FER: variants seen among roughly 807,000 people sequenced by gnomAD.
FER encodes the protein FER tyrosine kinase.
A neutral mutation model predicts 111.0 loss-of-function variants in FER; 63 were observed. That is an observed-to-expected ratio of 0.57 (90% CI 0.46 to 0.70). FER has a LOEUF of 0.70. Among genes scored for constraint, FER ranks in the 30% least tolerant of loss-of-function variants. The pLI is 0.00. For missense variants in FER, 914 were observed against 954.0 expected (o/e 0.96, Z 0.55); for synonymous variants, 327 against 313.9 (o/e 1.04, Z -0.44).
intron 2 of FER, among the ~76,000 whole-genome samples, chr5:108,782,990 T>C (rs1411964602): frequency 1.3e-5 from 2 of 152,254 alleles, no homozygotes; most frequent in Non-Finnish European, 2.9e-5. Flanking sequence ...CTTCTACTAA[T>C]AGTACACTGT....
intron 12 of FER, among the ~76,000 whole-genome samples, chr5:108,956,237 C>A (rs534973607): frequency 1.3e-5 from 2 of 151,408 alleles, no homozygotes; most frequent in African/African-American, 2.4e-5. Context: ...GATAACCTAC[C>A]CTATTACAAT....
chr5:109,080,235 C>T (rs1182529586), intron 16 of FER, among the ~76,000 whole-genome samples: 1 of 152,010 alleles, frequency 6.6e-6, no homozygotes, highest in African/African-American at 2.4e-5. Context: ...TTGATGCTGT[C>T]TCTGGCATTT....
intron 3 of FER, among the ~76,000 whole-genome samples, chr5:108,807,994 T>A (rs186673366): frequency 6.1e-4 from 92 of 150,694 alleles, no homozygotes; most frequent in Non-Finnish European, 1.2e-3. Flanking sequence ...TGGTATGATT[T>A]AGTTTTTTTT....
At chr5:109,004,050 C>G (rs1765180768) in intron 13 of FER, among the ~76,000 whole-genome samples, 2 of 151,978 alleles carry the variant, frequency 1.3e-5, no homozygotes, top group Admixed American at 6.6e-5. Flanking sequence ...TATTAGAAAA[C>G]AATAAATGTC....
At chr5:108,770,660 A>C (rs762439030) in intron 2 of FER, among the ~76,000 whole-genome samples, 29 of 152,044 alleles carry the variant, frequency 1.9e-4, no homozygotes, top group South Asian at 2.1e-4. Flanking sequence ...ACATCTGTGA[A>C]CTACAGTGCC....
intron 13 of FER, among the ~76,000 whole-genome samples, chr5:109,007,809 CCTTT>C (rs779270776): frequency 9.2e-5 from 14 of 152,108 alleles, no homozygotes; most frequent in Non-Finnish European, 1.9e-4. Flanking sequence ...AGTAAGTGTT[CCTTT>C]AAGTTTATAA....
At chr5:108,777,597 C>T (rs1436231500) in intron 2 of FER, among the ~76,000 whole-genome samples, 1 of 152,166 alleles carries the variant, frequency 6.6e-6, no homozygotes, top group Non-Finnish European at 1.5e-5. Flanking sequence ...TCCTCTCTTC[C>T]CTCTAAACCC....
At chr5:108,942,753 G>A (rs920282515) in intron 10 of FER, among the ~76,000 whole-genome samples, 1 of 152,074 alleles carries the variant, frequency 6.6e-6, no homozygotes, top group Non-Finnish European at 1.5e-5. Flanking sequence ...ATTATGAGCT[G>A]TAATGTAGAA....
At chr5:108,896,336 A>G (rs1431263962) in intron 9 of FER, among the ~76,000 whole-genome samples, 2 of 152,178 alleles carry the variant, frequency 1.3e-5, no homozygotes, top group Non-Finnish European at 2.9e-5. Context: ...CAGAAATGTC[A>G]ATTTATTATT....
At chr5:108,905,316 T>A (rs901455167) in intron 10 of FER, among the ~76,000 whole-genome samples, 4 of 152,152 alleles carry the variant, frequency 2.6e-5, no homozygotes, top group African/African-American at 9.7e-5. Context: ...AATAAGATTT[T>A]CCATTTGGTT....
chr5:109,073,005 T>A (rs573289620), intron 16 of FER, among the ~76,000 whole-genome samples: 2 of 152,240 alleles, frequency 1.3e-5, no homozygotes, highest in South Asian at 2.1e-4. Flanking sequence ...AATCTCTGTT[T>A]TCTTTGTTTT....
chr5:109,141,032 G>A (rs532859171), intron 17 of FER, among the ~76,000 whole-genome samples: 1 of 152,222 alleles, frequency 6.6e-6, no homozygotes, highest in East Asian at 1.9e-4. Flanking sequence ...GTAGGAACAT[G>A]TGAGCAGCTC....
intron 2 of FER, among the ~76,000 whole-genome samples, chr5:108,797,912 C>T (rs552463108): frequency 7.5e-4 from 114 of 152,130 alleles, no homozygotes; most frequent in African/African-American, 2.6e-3. Flanking sequence ...CCTTTTATTT[C>T]GTTTGTTTCA....
intron 17 of FER, among the ~76,000 whole-genome samples, chr5:109,108,851 A>G (rs1381580592): frequency 1.3e-5 from 2 of 152,158 alleles, no homozygotes; most frequent in Non-Finnish European, 2.9e-5. Context: ...GATTGGAGCA[A>G]TCAACATACA....
intron 5 of FER, among the ~76,000 whole-genome samples, chr5:108,846,675 C>T (rs912209364): frequency 1.4e-4 from 21 of 151,772 alleles, no homozygotes; most frequent in South Asian, 4.2e-4. Flanking sequence ...CTCTGCCTCC[C>T]GGGTTCACGC....
intron 2 of FER, among the ~76,000 whole-genome samples, chr5:108,784,847 C>T (rs186675168): frequency 6.6e-6 from 1 of 152,282 alleles, no homozygotes; most frequent in Non-Finnish European, 1.5e-5. Flanking sequence ...GTGGTTTTCT[C>T]GCCCTGGGTG....
intron 17 of FER, among the ~76,000 whole-genome samples, chr5:109,167,651 T>C (rs2126780132): frequency 6.6e-6 from 1 of 152,326 alleles, no homozygotes; most frequent in South Asian, 2.1e-4. Context: ...TCTTAAACCT[T>C]ATGTCAGAAT....
chr5:109,075,645 A>G lies in FER; in HGVS notation c.1925-24751A>G, dbSNP rs191113666. On this transcript the variant is annotated intron_variant, in intron 16 of 19. Coordinates refer to ENST00000281092, the MANE Select transcript of FER (RefSeq NM_005246.4). Reference sequence around the variant, plus strand: ...TCACCGTGTTAGCCAGGATGGTCTCAATCTCCTGACCTCGTGATCCACCCT... The same window carrying G: ...TCACCGTGTTAGCCAGGATGGTCTCGATCTCCTGACCTCGTGATCCACCCT... Among the ~76,000 whole-genome samples, 157 of 151,920 alleles carry G rather than the reference A, an allele frequency of 1.0e-3. 1 individual carries two copies. The East Asian group carries it at 0.011, about 11-fold the overall frequency.
At chr5:108,892,376 T>C (rs1748245187) in intron 9 of FER, among the ~76,000 whole-genome samples, 1 of 152,192 alleles carries the variant, frequency 6.6e-6, no homozygotes. Flanking sequence ...TGTGAGATGG[T>C]ATCTCATTGT....
Sources: allele counts gnomAD v4.1 joint callset (sites outside exome capture counted in the v4.1 genomes callset), GRCh38; gene constraint gnomAD v4.1.1; transcripts MANE v1.5; gene names NCBI Gene and HGNC (gene_info 2026-07-23, HGNC 2026-07-21).